CD8B2: variants seen among roughly 807,000 people sequenced by gnomAD.
CD8B2 encodes T-cell surface glycoprotein CD8 beta-2 chain.
CD8B2 carries 11 observed loss-of-function variants against 23.7 expected under a neutral mutation model. That is an observed-to-expected ratio of 0.46 (90% CI 0.29 to 0.77). The LOEUF is 0.77. Among genes scored for constraint, CD8B2 ranks in the 30% least tolerant of loss-of-function variants. The probability of loss-of-function intolerance (pLI) is 0.09; values close to 1 mark genes in which losing one functional copy is unlikely to be tolerated. For synonymous variants in CD8B2, 90 were observed against 109.3 expected (o/e 0.82, Z 1.10); for missense variants, 197 against 270.5 (o/e 0.73, Z 1.91).
chr2:106,492,160 C>G (rs1679208831), intron 2 of CD8B2, among the ~76,000 whole-genome samples: 1 of 151,642 alleles, frequency 6.6e-6, no homozygotes, highest in Non-Finnish European at 1.5e-5. Context: ...CATGCTTTCT[C>G]CCCTGGGCCT....
At chr2:106,536,760 G>A (rs1680097175) in intron 5 of CD8B2, among the ~76,000 whole-genome samples, 3 of 152,202 alleles carry the variant, frequency 2.0e-5, no homozygotes, top group South Asian at 2.1e-4. Flanking sequence ...AGTAAGGGCA[G>A]ATTCATCAAT....
chr2:106,537,113 G>A (rs112910098), intron 5 of CD8B2, among the ~76,000 whole-genome samples: 11,548 of 152,192 alleles, frequency 0.076, 607 homozygotes, highest in African/African-American at 0.16. Context: ...AGGGAAAACC[G>A]ATGTGGGAGA....
chr2:106,528,227 C>CT lies in CD8B2; in HGVS notation c.621-15760dup, dbSNP rs771110959. The stretch of plus-strand genomic sequence containing the variant: ...GCCCATTAAAAATTGTGTTATGTGT[C>CT]TTTTTATTGTCTTTATTGAGTTGTA... On this transcript the variant is annotated intron_variant, in intron 5 of 5. Transcript: ENST00000416057. 5.3e-5 allele frequency among the ~76,000 whole-genome samples: 8 copies of CT among 152,176 alleles called. No homozygotes were observed. The South Asian group carries it at 8.3e-4, about 16-fold the overall frequency.
chr2:106,493,779 T>C (rs1376557451), intron 2 of CD8B2, among the ~76,000 whole-genome samples: 5 of 152,206 alleles, frequency 3.3e-5, no homozygotes, highest in African/African-American at 1.2e-4. Flanking sequence ...TCAAGGTCTT[T>C]TGCTGCAGAT....
At chr2:106,513,788 C>A (rs1393410641), downstream of CD8B2, among the ~76,000 whole-genome samples, 1 of 152,126 alleles carries the variant, frequency 6.6e-6, no homozygotes, top group Non-Finnish European at 1.5e-5. Context: ...TAAACGTGAT[C>A]AGCACAAAAG....
chr2:106,489,893 G>A (rs531622449), intron 1 of CD8B2, among the ~76,000 whole-genome samples: 3 of 152,140 alleles, frequency 2.0e-5, no homozygotes, highest in South Asian at 2.1e-4. Context: ...CAGCTGGCAC[G>A]GCCAGAGGCT....
chr2:106,532,462 G>A (rs552565897), intron 5 of CD8B2, among the ~76,000 whole-genome samples: 2 of 152,176 alleles, frequency 1.3e-5, no homozygotes, highest in African/African-American at 2.4e-5. Flanking sequence ...TTTGGGGCGA[G>A]TCCATATAGT....
At chr2:106,533,784 C>A (rs548907539) in intron 5 of CD8B2, among the ~76,000 whole-genome samples, 1 of 152,262 alleles carries the variant, frequency 6.6e-6, no homozygotes, top group African/African-American at 2.4e-5. Context: ...GGGAGAGTTC[C>A]TCGGCAAACA....
chr2:106,541,269 G>C (rs1680169380), intron 5 of CD8B2, among the ~76,000 whole-genome samples: 2 of 152,136 alleles, frequency 1.3e-5, no homozygotes, highest in Non-Finnish European at 2.9e-5. Flanking sequence ...CTTCTCTCTT[G>C]TTGGTGGTTA....
chr2:106,515,913 C>T (rs895348847), downstream of CD8B2, among the ~76,000 whole-genome samples: 6 of 152,040 alleles, frequency 3.9e-5, no homozygotes, highest in African/African-American at 1.4e-4. Context: ...ACCTCTACCT[C>T]CAGGGTTCAA....
intron 5 of CD8B2, among the ~76,000 whole-genome samples, chr2:106,534,080 C>T (rs975593951): frequency 3.9e-5 from 6 of 152,220 alleles, no homozygotes; most frequent in African/African-American, 1.4e-4. Flanking sequence ...AAATCCCAGT[C>T]TGCAGAGCAG....
At chr2:106,529,563 A>G (rs1272285452) in intron 5 of CD8B2, among the ~76,000 whole-genome samples, 1 of 152,122 alleles carries the variant, frequency 6.6e-6, no homozygotes, top group Admixed American at 6.5e-5. Context: ...TGGAAATTCT[A>G]CTTCTTTAAT....
At chr2:106,487,579 C>G in intron 1 of CD8B2, 110 bp downstream of exon 1, 1 of 647,182 alleles carries the variant, frequency 1.5e-6, no homozygotes. Context: ...GCGTCGAGCC[C>G]GCGGTGGCGG....
In CD8B2 at chr2:106,543,171, C is replaced by CG. The variant is rs1230084040; in HGVS notation, c.621-818dup. ...ATGTTTCTCTTTGTATCCCGACCGC[C>CG]GGGAACTGCCTTACCTGCAGCTACA... On this transcript the variant is annotated intron_variant, in intron 5 of 5. Transcript: ENST00000416057. 3 of 152,238 alleles carry CG rather than the reference C, an allele frequency of 2.0e-5. No individual in the cohort carries two copies. The East Asian group carries it at 5.8e-4, about 29-fold the overall frequency. 9.4% of individuals were successfully genotyped at this position (152,238 alleles called of 1,614,324 possible). A position where few individuals can be genotyped will look rare whatever the true frequency, so the allele number is the denominator to read the frequency against.
intron 5 of CD8B2, among the ~76,000 whole-genome samples, chr2:106,522,903 G>A (rs1296509863): frequency 6.6e-6 from 1 of 152,086 alleles, no homozygotes; most frequent in African/African-American, 2.4e-5. Context: ...TGTGCTCCAG[G>A]GCTGTCTTCC....
At chr2:106,530,148 A>G (rs1019109211) in intron 5 of CD8B2, among the ~76,000 whole-genome samples, 1 of 152,190 alleles carries the variant, frequency 6.6e-6, no homozygotes, top group African/African-American at 2.4e-5. Flanking sequence ...TTCCTATTGT[A>G]TAAAGTGCAC....
At chr2:106,521,188 G>A (rs1188838427) in intron 5 of CD8B2, among the ~76,000 whole-genome samples, 4 of 152,238 alleles carry the variant, frequency 2.6e-5, no homozygotes, top group African/African-American at 4.8e-5. Flanking sequence ...CAGGTGTGAC[G>A]TTTACATAGT....
In CD8B2 at chr2:106,494,080, A is replaced by G. The variant is rs973531830; in HGVS notation, c.404-2093A>G. Among the ~76,000 whole-genome samples, 59 of 152,210 alleles carry G rather than the reference A, an allele frequency of 3.9e-4. 1 individual carries two copies. Among genetic ancestry groups the G allele is most frequent in the African/African-American group, 1.3e-3 (54 of 41,536 alleles). ...GTGAGGGGTTAAAATGTCTACTTTT[A>G]TATAGAAGATGCCAGCCCAAAAATG... On this transcript the variant is annotated intron_variant, in intron 2 of 5. Transcript: ENST00000643224.
Position 106,487,395 on chromosome 2 carries a change from C to G in CD8B2, c.-32C>G. The stretch of plus-strand genomic sequence containing the variant: ...CCCAGCCGCGACTGTCTCCGCCGAG[C>G]CCCCGGGGCCAGGTGTCCCGGGCGC... On this transcript the variant is annotated 5_prime_UTR_variant, in exon 1 of 6. Coordinates refer to ENST00000643224, the MANE Select transcript of CD8B2 (RefSeq NM_001349727.2). 1.7e-6 allele frequency: 2 copies of G among 1,210,060 alleles called. No homozygotes were observed. Among genetic ancestry groups the G allele is most frequent in the Non-Finnish European group, 2.1e-6 (2 of 967,996 alleles). The allele number at this position is 1,210,060 out of a possible 1,614,324, so 75.0% of individuals were successfully genotyped here.
Sources: allele counts gnomAD v4.1 joint callset (sites outside exome capture counted in the v4.1 genomes callset), GRCh38; gene constraint gnomAD v4.1.1; transcripts MANE v1.5; gene names NCBI Gene and HGNC (gene_info 2026-07-23, HGNC 2026-07-21).